ADGRL3: variants seen among roughly 807,000 people sequenced by gnomAD.
ADGRL3 encodes adhesion G protein-coupled receptor L3.
ADGRL3 carries 62 observed loss-of-function variants against 153.5 expected under a neutral mutation model. The ratio of observed to expected loss-of-function variants is 0.40; its 90% CI spans 0.33 to 0.50. ADGRL3 has a LOEUF of 0.50. ADGRL3 is among the 20% of genes least tolerant of loss of function. ADGRL3 has a pLI of 0.47. For synonymous variants in ADGRL3, 710 were observed against 672.5 expected (o/e 1.06, Z -0.86); for missense variants, 1,641 against 1,859.4 (o/e 0.88, Z 2.16).
rs925395739 is a variant in ADGRL3 at position 61,361,928 on chromosome 4, G to A, written c.-239-21196G>A. On this transcript the variant is annotated intron_variant, in intron 1 of 26. Coordinates refer to ENST00000683033, the MANE Select transcript of ADGRL3 (RefSeq NM_001387552.1). ...CAAAGAAGATAAGAAATTATGAACT[G>A]TAGTATAACAGTTCTCTGAGGAAGG... Among the ~76,000 whole-genome samples the A allele has an allele frequency of 2.0e-5, 3 of 149,274 alleles. No homozygotes were observed. In the South Asian group the frequency reaches 6.4e-4, roughly 32 times the overall value.
At chr4:61,936,828 CTT>C (rs1334708892) in intron 15 of ADGRL3, among the ~76,000 whole-genome samples, 1 of 90,064 alleles carries the variant, frequency 1.1e-5, no homozygotes, top group East Asian at 2.4e-4. Context: ...ATATATTTCT[CTT>C]TTGCCAAGAA....
chr4:61,651,632 G>A (rs2094255007), intron 5 of ADGRL3, among the ~76,000 whole-genome samples: 1 of 150,950 alleles, frequency 6.6e-6, no homozygotes, highest in African/African-American at 2.4e-5. Context: ...TTTTTGAGAC[G>A]GAGTTTCGCT....
chr4:61,452,400 A>G (rs2152525894), intron 2 of ADGRL3, among the ~76,000 whole-genome samples: 1 of 152,322 alleles, frequency 6.6e-6, no homozygotes, highest in Non-Finnish European at 1.5e-5. Flanking sequence ...CCTGGCTGCA[A>G]AAAACATCTC....
intron 17 of ADGRL3, among the ~76,000 whole-genome samples, chr4:61,958,234 G>C (rs1295022350): frequency 6.6e-6 from 1 of 151,882 alleles, no homozygotes; most frequent in Non-Finnish European, 1.5e-5. Flanking sequence ...AATTTTTTTT[G>C]ACCAAGTGGA....
intron 8 of ADGRL3, among the ~76,000 whole-genome samples, chr4:61,760,704 G>A (rs1300238731): frequency 6.6e-6 from 1 of 152,170 alleles, no homozygotes; most frequent in Non-Finnish European, 1.5e-5. Context: ...GATGAGCCTG[G>A]TACCTCAGTT....
chr4:61,624,087 T>G (rs2092692509), intron 5 of ADGRL3, among the ~76,000 whole-genome samples: 1 of 152,170 alleles, frequency 6.6e-6, no homozygotes, highest in Non-Finnish European at 1.5e-5. Flanking sequence ...CATGACAACA[T>G]TTTGGCTTAA....
intron 9 of ADGRL3, among the ~76,000 whole-genome samples, chr4:61,827,705 A>T (rs970475781): frequency 3.3e-5 from 5 of 152,148 alleles, no homozygotes; most frequent in Admixed American, 3.3e-4. Context: ...GACCTCCTTG[A>T]TTGTTTAGAA....
At chr4:61,681,520 C>T (rs1376454849) in intron 6 of ADGRL3, among the ~76,000 whole-genome samples, 1 of 152,016 alleles carries the variant, frequency 6.6e-6, no homozygotes, top group Non-Finnish European at 1.5e-5. Context: ...TTGATTAAAA[C>T]AACCTTGTTA....
rs1162758353 is a variant in ADGRL3 at position 61,847,844 on chromosome 4, A to C, written c.1480+33955A>C. On this transcript the variant is annotated intron_variant, in intron 9 of 26. Transcript: ENST00000683033. ...ATATAATATAAAATATATATATAAT[A>C]TAAAATATATTATATATAATATAAA... Among the ~76,000 whole-genome samples, 4 of 14,482 alleles carry C rather than the reference A, an allele frequency of 2.8e-4. No homozygotes were observed. The East Asian group carries it at 3.8e-3, about 14-fold the overall frequency. The allele number at this position is 14,482 out of a possible 152,430, so 9.5% of individuals were successfully genotyped here. A position where few individuals can be genotyped will look rare whatever the true frequency, so the allele number is the denominator to read the frequency against.
chr4:61,647,754 G>T (rs912085821), intron 5 of ADGRL3, among the ~76,000 whole-genome samples: 1 of 150,870 alleles, frequency 6.6e-6, no homozygotes, highest in Admixed American at 6.6e-5. Context: ...ACTTTTTATT[G>T]TATAGGAGTA....
At chr4:61,928,180 A>G (rs569216722) in intron 13 of ADGRL3, among the ~76,000 whole-genome samples, 153 of 152,170 alleles carry the variant, frequency 1.0e-3, no homozygotes, top group African/African-American at 3.3e-3. Flanking sequence ...CGTTTTTCAA[A>G]AGAGTTTAAG....
In ADGRL3 at chr4:61,241,285, A is replaced by G. The variant is rs143629339; in HGVS notation, c.-240+39520A>G. 2.8e-4 allele frequency among the ~76,000 whole-genome samples: 42 copies of G among 152,114 alleles called. 1 individual carries two copies. The East Asian group carries it at 7.7e-3, about 28-fold the overall frequency. ...GATAAAGGTAACGAAGGTGTTTGTG[A>G]TAGTTTTCGTGAGCATGTAAGGTCA... is the stretch of plus-strand genomic sequence containing the variant. On this transcript the variant is annotated intron_variant, in intron 1 of 26. Coordinates refer to ENST00000683033, the MANE Select transcript of ADGRL3 (RefSeq NM_001387552.1).
chr4:61,213,724 A>C (rs945211103), intron 1 of ADGRL3, among the ~76,000 whole-genome samples: 1 of 152,148 alleles, frequency 6.6e-6, no homozygotes, highest in African/African-American at 2.4e-5. Flanking sequence ...TAAGTATCAT[A>C]AAATATTTCG....
intron 4 of ADGRL3, among the ~76,000 whole-genome samples, chr4:61,552,167 C>T (rs1055034664): frequency 6.6e-3 from 8 of 1,220 alleles, no homozygotes; most frequent in African/African-American, 9.2e-3. Context: ...ATGACAATAA[C>T]AGGCTCATAT....
chr4:61,476,563 G>A (rs779567792), intron 2 of ADGRL3, among the ~76,000 whole-genome samples: 7 of 151,708 alleles, frequency 4.6e-5, no homozygotes, highest in East Asian at 2.0e-4. Flanking sequence ...AAAATTAGCC[G>A]GTATGGTGGC....
At chr4:61,488,162 A>T (rs968509242) in intron 2 of ADGRL3, among the ~76,000 whole-genome samples, 1 of 152,100 alleles carries the variant, frequency 6.6e-6, no homozygotes, top group Non-Finnish European at 1.5e-5. Flanking sequence ...GTTTCTAAAC[A>T]TTAATAGACA....
intron 2 of ADGRL3, among the ~76,000 whole-genome samples, chr4:61,448,219 AGGTGTGTATTTATTT>A (rs1268909876): frequency 6.6e-6 from 1 of 152,220 alleles, no homozygotes; most frequent in African/African-American, 2.4e-5. Flanking sequence ...ATACACAGTC[AGGTGTGTATTTATTT>A]AACTTCTTTT....
intron 5 of ADGRL3, among the ~76,000 whole-genome samples, chr4:61,608,572 T>C (rs1435116134): frequency 2.6e-5 from 4 of 152,220 alleles, no homozygotes; most frequent in Non-Finnish European, 5.9e-5. Context: ...TATTTTATTA[T>C]TTATTTGGCT....
intron 1 of ADGRL3, among the ~76,000 whole-genome samples, chr4:61,252,956 A>T (rs1462353811): frequency 6.6e-6 from 1 of 152,094 alleles, no homozygotes; most frequent in Non-Finnish European, 1.5e-5. Flanking sequence ...TTCTCCTCTG[A>T]GTGAGGTGAG....
Sources: allele counts gnomAD v4.1 joint callset (sites outside exome capture counted in the v4.1 genomes callset), GRCh38; gene constraint gnomAD v4.1.1; transcripts MANE v1.5; gene names NCBI Gene and HGNC (gene_info 2026-07-23, HGNC 2026-07-21).